IL1RAPL2: variants seen among roughly 807,000 people sequenced by gnomAD.
IL1RAPL2 encodes X-linked interleukin-1 receptor accessory protein-like 2.
IL1RAPL2 carries 3 observed loss-of-function variants against 44.1 expected under a neutral mutation model. That is an observed-to-expected ratio of 0.07 (90% CI 0.03 to 0.18). IL1RAPL2 has a LOEUF of 0.18. Among genes scored for constraint, IL1RAPL2 ranks in the 10% least tolerant of loss-of-function variants. IL1RAPL2 has a pLI of 1.00. For missense variants in IL1RAPL2, 391 were observed against 496.4 expected, an observed-to-expected ratio of 0.79 and a Z score of 2.02; for synonymous variants, 181 against 178.8, an observed-to-expected ratio of 1.01 and a Z score of -0.10.
intron 2 of IL1RAPL2, among the ~76,000 whole-genome samples, chrX:104,756,278 C>CAAAA (rs34276544): frequency 0.38 from 41,440 of 109,700 alleles, 6,051 homozygotes; most frequent in East Asian, 0.46. Context: ...TGTCAGGTGA[C>CAAAA]AAAGATGCTT....
chrX:104,701,772 TA>T (rs1931277542), intron 2 of IL1RAPL2, among the ~76,000 whole-genome samples: 1 of 111,844 alleles, frequency 8.9e-6, no homozygotes, highest in Non-Finnish European at 1.9e-5. Flanking sequence ...TAGTACAGGT[TA>T]TTTATACAGC....
intron 2 of IL1RAPL2, among the ~76,000 whole-genome samples, chrX:105,045,506 G>T (rs1168488474): frequency 8.9e-6 from 1 of 111,800 alleles, no homozygotes; most frequent in Admixed American, 9.5e-5. Flanking sequence ...GCAGGGGACT[G>T]CTCTTTGCAT....
intron 7 of IL1RAPL2, among the ~76,000 whole-genome samples, chrX:105,722,045 T>G (rs2147557770): frequency 9.0e-6 from 1 of 111,714 alleles, no homozygotes; most frequent in East Asian, 2.8e-4. Context: ...GGTGATTTCA[T>G]TATTGTGCAA....
intron 3 of IL1RAPL2, among the ~76,000 whole-genome samples, chrX:105,218,602 C>G (rs1393737761): frequency 2.7e-5 from 3 of 110,663 alleles, no homozygotes; most frequent in African/African-American, 9.9e-5. Context: ...GCGAGCGAGA[C>G]ATACACAAAT....
intron 2 of IL1RAPL2, among the ~76,000 whole-genome samples, chrX:104,907,686 G>C (rs1405603901): frequency 2.7e-5 from 3 of 110,664 alleles, no homozygotes; most frequent in Admixed American, 1.9e-4. Flanking sequence ...TATAATTTCT[G>C]TTCTTTTACA....
At chrX:105,740,469 G>T in intron 7 of IL1RAPL2, 77 bp from the exon 8 acceptor site, 1 of 1,023,834 alleles carries the variant, frequency 9.8e-7, no homozygotes, top group South Asian at 2.1e-5. Context: ...TGAGCTGTGT[G>T]ACCATCTGTA....
At chrX:105,155,300 G>A (rs780546497) in intron 2 of IL1RAPL2, among the ~76,000 whole-genome samples, 1 of 111,050 alleles carries the variant, frequency 9.0e-6, no homozygotes, top group Non-Finnish European at 1.9e-5. Context: ...TGTCATTGTT[G>A]GTTGAGATAA....
Position 104,614,798 on chromosome X carries a change from A to G in IL1RAPL2, c.-19-44097A>G, listed in dbSNP as rs569868375. Among the ~76,000 whole-genome samples the G allele has an allele frequency of 1.1e-4, 12 of 112,065 alleles. No individual in the cohort carries two copies. The South Asian group carries it at 4.1e-3, about 38-fold the overall frequency. The stretch of plus-strand genomic sequence containing the variant: ...TGGTTTAAATTCTGTTTTATCTGAC[A>G]TAAGAATCATGACCCCTGCTCTTTT... On this transcript the variant is annotated intron_variant, in intron 1 of 10. Coordinates refer to ENST00000372582, the MANE Select transcript of IL1RAPL2 (RefSeq NM_017416.2).
At chrX:104,870,787 A>G (rs1922740913) in intron 2 of IL1RAPL2, among the ~76,000 whole-genome samples, 1 of 111,656 alleles carries the variant, frequency 9.0e-6, no homozygotes, top group Non-Finnish European at 1.9e-5. Context: ...CTAAAAGAAA[A>G]TTGTCTTCAG....
intron 5 of IL1RAPL2, among the ~76,000 whole-genome samples, chrX:105,439,829 C>T (rs1256493113): frequency 4.5e-5 from 5 of 111,965 alleles, no homozygotes; most frequent in Admixed American, 1.9e-4. Flanking sequence ...TAATGAAAAA[C>T]ATCTGATGAC....
chrX:104,609,121 G>C (rs1429479982), intron 1 of IL1RAPL2, among the ~76,000 whole-genome samples: 1 of 111,799 alleles, frequency 8.9e-6, no homozygotes, highest in Non-Finnish European at 1.9e-5. Context: ...AGCTTAGTTT[G>C]GCTGGATATG....
intron 2 of IL1RAPL2, among the ~76,000 whole-genome samples, chrX:104,882,291 T>C (rs1923091880): frequency 8.9e-6 from 1 of 112,273 alleles, no homozygotes; most frequent in Non-Finnish European, 1.9e-5. Flanking sequence ...GTGGGGACTA[T>C]GAGCAAAAGA....
intron 2 of IL1RAPL2, among the ~76,000 whole-genome samples, chrX:105,144,125 G>GTA (rs2033156660): frequency 9.5e-6 from 1 of 105,211 alleles, no homozygotes; most frequent in East Asian, 3.0e-4. Flanking sequence ...GTGTGTGTGT[G>GTA]TGTGTGTGTG....
At chrX:104,647,283 C>G in intron 1 of IL1RAPL2, 1 of 411,835 alleles carries the variant, frequency 2.4e-6, no homozygotes, top group Non-Finnish European at 4.6e-6. Flanking sequence ...GCTTCCAGCA[C>G]GCTCAGCTCG....
chrX:104,673,159 T>A (rs1930653432), intron 2 of IL1RAPL2, among the ~76,000 whole-genome samples: 2 of 111,915 alleles, frequency 1.8e-5, no homozygotes, highest in South Asian at 7.5e-4. Flanking sequence ...GTTTTAGACA[T>A]GAAGTCCTTG....
At chrX:104,855,993 G>A (rs1922355610) in intron 2 of IL1RAPL2, among the ~76,000 whole-genome samples, 1 of 110,248 alleles carries the variant, frequency 9.1e-6, no homozygotes, top group Admixed American at 9.7e-5. Flanking sequence ...TTGATAATGA[G>A]GACAGTATAG....
intron 6 of IL1RAPL2, among the ~76,000 whole-genome samples, chrX:105,581,047 T>C (rs1157708113): frequency 9.0e-6 from 1 of 110,882 alleles, no homozygotes; most frequent in Admixed American, 9.7e-5. Context: ...ACTGGCATAG[T>C]GAAGAGAACC....
intron 5 of IL1RAPL2, among the ~76,000 whole-genome samples, chrX:105,386,231 C>T (rs769521774): frequency 1.8e-5 from 2 of 111,509 alleles, no homozygotes; most frequent in East Asian, 5.6e-4. Context: ...AACAAACTTA[C>T]AAATGAAATA....
At chrX:105,030,157 A>T (rs942450649) in intron 2 of IL1RAPL2, among the ~76,000 whole-genome samples, 21 of 111,346 alleles carry the variant, frequency 1.9e-4, no homozygotes, top group African/African-American at 5.9e-4. Context: ...CCTTTGACAG[A>T]TGAGTAGGTT....
Sources: allele counts gnomAD v4.1 joint callset (sites outside exome capture counted in the v4.1 genomes callset), GRCh38; gene constraint gnomAD v4.1.1; transcripts MANE v1.5; gene names NCBI Gene and HGNC (gene_info 2026-07-23, HGNC 2026-07-21).